The following CSMD1 variants were observed in gnomAD, a reference collection of about 807,000 sequenced individuals.
CSMD1 encodes the protein CUB and Sushi multiple domains 1.
In CSMD1, 213 loss-of-function variants were observed where a neutral mutation model predicts 417.5. That is an observed-to-expected ratio of 0.51 (90% CI 0.46 to 0.57). CSMD1 has a LOEUF of 0.57. CSMD1 is among the 20% of genes least tolerant of loss of function. CSMD1 has a pLI of 0.00. For synonymous variants in CSMD1, 2,862 were observed against 1,736.8 expected (o/e 1.65, Z -16.11); for missense variants, 6,923 against 4,529.7 (o/e 1.53, Z -15.17).
chr8:3,445,282 T>A (rs1286191467), intron 12 of CSMD1, among the ~76,000 whole-genome samples: 1 of 152,172 alleles, frequency 6.6e-6, no homozygotes, highest in South Asian at 2.1e-4. Context: ...AGTTATAATT[T>A]TGGGGACGTC....
chr8:3,640,191 T>C (rs1338874488), intron 7 of CSMD1, among the ~76,000 whole-genome samples: 5 of 152,210 alleles, frequency 3.3e-5, no homozygotes, highest in Non-Finnish European at 4.4e-5. Flanking sequence ...TGCAGGGATA[T>C]TGCAGTCATG....
chr8:3,777,499 A>T (rs1798955976), intron 5 of CSMD1, among the ~76,000 whole-genome samples: 1 of 152,194 alleles, frequency 6.6e-6, no homozygotes, highest in Non-Finnish European at 1.5e-5. Context: ...TGATGGGCTG[A>T]GGATGCTCTG....
At chr8:4,029,319 T>C (rs766296536) in intron 4 of CSMD1, among the ~76,000 whole-genome samples, 3 of 152,188 alleles carry the variant, frequency 2.0e-5, no homozygotes, top group South Asian at 4.1e-4. Flanking sequence ...TGATAATGCA[T>C]ACCCAAGAAT....
At position 3,343,404 on chromosome 8, in the gene CSMD1, G is replaced by A; in HGVS notation, c.3521C>T (p.Thr1174Ile). ...DSSSRPLGTF[T>I]KNELLGLILN... ...GATCAGCCCCAGAAGTTCATTTTTA[G>A]TGAACGTGCCCAGTGGACGTGAGGA... The change falls in exon 23 of 70, where the codon ACT becomes ATT. Residue 1174 changes from threonine to isoleucine, a missense_variant. Physicochemically the swap from Thr to Ile is moderately conservative, Grantham distance 89. Coordinates refer to ENST00000635120, the MANE Select transcript of CSMD1 (RefSeq NM_033225.6). The A allele has an allele frequency of 6.2e-7, 1 of 1,613,782 alleles. No individual in the cohort carries two copies. The highest frequency in any genetic ancestry group is 1.1e-5 in the South Asian group (1 of 91,084).
At chr8:4,849,182 T>A (rs910363826) in intron 1 of CSMD1, among the ~76,000 whole-genome samples, 1 of 151,874 alleles carries the variant, frequency 6.6e-6, no homozygotes, top group Admixed American at 6.6e-5. Flanking sequence ...AAAAGTAAAA[T>A]AAAACAAAAT....
intron 1 of CSMD1, among the ~76,000 whole-genome samples, chr8:4,734,885 C>G (rs138641715): frequency 2.0e-5 from 3 of 152,318 alleles, no homozygotes; most frequent in African/African-American, 4.8e-5. Context: ...CCCCAGCCAG[C>G]AGCAGGCTGG....
At chr8:3,225,404 T>A (rs938363729) in intron 27 of CSMD1, among the ~76,000 whole-genome samples, 1 of 151,828 alleles carries the variant, frequency 6.6e-6, no homozygotes, top group African/African-American at 2.4e-5. Flanking sequence ...TTTTTTTTTT[T>A]AATGAATTTG....
At chr8:3,360,801 A>G (rs1043543094) in intron 20 of CSMD1, among the ~76,000 whole-genome samples, 4 of 151,948 alleles carry the variant, frequency 2.6e-5, no homozygotes, top group Admixed American at 1.3e-4. Context: ...TTCACTGGAC[A>G]TATAAAATCC....
At chr8:4,322,244 C>G (rs1248073098) in intron 3 of CSMD1, among the ~76,000 whole-genome samples, 2 of 152,102 alleles carry the variant, frequency 1.3e-5, no homozygotes, top group African/African-American at 2.4e-5. Flanking sequence ...TATTTGAAAA[C>G]ATACTGTATT....
intron 3 of CSMD1, among the ~76,000 whole-genome samples, chr8:4,392,913 G>A (rs1291763090): frequency 6.6e-6 from 1 of 151,980 alleles, no homozygotes; most frequent in Non-Finnish European, 1.5e-5. Context: ...AGCTTGCAGT[G>A]AGCGGAGATC....
intron 9 of CSMD1, 104 bp from the exon 10 acceptor site, chr8:3,575,170 TAA>T (rs11352452): frequency 0.4 from 320,985 of 803,616 alleles, 17,898 homozygotes; most frequent in Admixed American, 0.43. Context: ...CTAATCACAG[TAA>T]AAAAAAAAAA....
chr8:4,957,042 A>G (rs1224122842), intron 1 of CSMD1, among the ~76,000 whole-genome samples: 1 of 152,234 alleles, frequency 6.6e-6, no homozygotes, highest in Non-Finnish European at 1.5e-5. Flanking sequence ...GAAATTCAGG[A>G]AGAGGAAACA....
intron 5 of CSMD1, among the ~76,000 whole-genome samples, chr8:3,971,661 G>C (rs1403099884): frequency 6.6e-6 from 1 of 152,090 alleles, no homozygotes; most frequent in East Asian, 1.9e-4. Context: ...GATCCGTGTG[G>C]AACATGGGGG....
At chr8:4,441,320 CT>C (rs1159972375) in intron 2 of CSMD1, among the ~76,000 whole-genome samples, 4 of 146,854 alleles carry the variant, frequency 2.7e-5, no homozygotes. Context: ...ACTCTGCCCC[CT>C]AGGCTAGTTT....
At chr8:4,968,841 G>C (rs141405219) in intron 1 of CSMD1, among the ~76,000 whole-genome samples, 2 of 152,186 alleles carry the variant, frequency 1.3e-5, no homozygotes, top group Admixed American at 1.3e-4. Flanking sequence ...AGAAGATTAG[G>C]ATCTACTGCA....
chr8:4,682,665 T>A (rs1240870895), intron 1 of CSMD1, among the ~76,000 whole-genome samples: 1 of 151,946 alleles, frequency 6.6e-6, no homozygotes, highest in African/African-American at 2.4e-5. Context: ...ATATTACAGA[T>A]CACAATAGTG....
intron 2 of CSMD1, among the ~76,000 whole-genome samples, chr8:4,521,701 G>A (rs915735220): frequency 6.6e-6 from 1 of 152,128 alleles, no homozygotes; most frequent in African/African-American, 2.4e-5. Flanking sequence ...GCCCTCCTCT[G>A]GTATAAGCCA....
At chr8:3,248,522 C>CAT (rs1228451954) in intron 26 of CSMD1, among the ~76,000 whole-genome samples, 1 of 71,404 alleles carries the variant, frequency 1.4e-5, no homozygotes, top group Admixed American at 1.8e-4. Flanking sequence ...CAATTCCCTC[C>CAT]CTTTTTTTTT....
intron 3 of CSMD1, among the ~76,000 whole-genome samples, chr8:4,060,981 G>T (rs1326984351): frequency 6.6e-6 from 1 of 152,148 alleles, no homozygotes; most frequent in African/African-American, 2.4e-5. Context: ...AAGACAAGCT[G>T]CTTGTGAGCA....
Sources: gnomAD v4.1 joint callset for allele counts (sites outside exome capture counted in the v4.1 genomes callset) on GRCh38, gnomAD v4.1.1 for gene constraint, MANE v1.5 for transcripts, NCBI Gene and HGNC (gene_info 2026-07-23, HGNC 2026-07-21) for gene names.